Variants in TTC7B observed in about 807,000 individuals in gnomAD.
TTC7B encodes tetratricopeptide repeat domain 7B, also known as tetratricopeptide repeat protein 7B.
In TTC7B, 28 loss-of-function variants were observed where a neutral mutation model predicts 106.8. The observed-to-expected ratio is 0.26, with a 90% CI of 0.19 to 0.36. The LOEUF is 0.36. Among genes scored for constraint, TTC7B ranks in the 10% least tolerant of loss-of-function variants. The pLI, the probability that TTC7B is intolerant of heterozygous loss-of-function variation, is 1.00. For missense variants in TTC7B, 862 were observed against 1,076.4 expected (o/e 0.80, Z 2.79); for synonymous variants, 405 against 430.6 (o/e 0.94, Z 0.74).
intron 19 of TTC7B, among the ~76,000 whole-genome samples, chr14:90,542,666 T>G (rs2139762462): frequency 7.2e-6 from 1 of 138,508 alleles, no homozygotes; most frequent in South Asian, 2.3e-4. Context: ...AAACCTTTGG[T>G]TAAATGAAAT....
rs76008197 is a variant in TTC7B, at chr14:90,627,641, C to T, written c.1752-9596G>A. On this transcript the variant is annotated intron_variant, in intron 15 of 19. Coordinates refer to ENST00000328459, the MANE Select transcript of TTC7B (RefSeq NM_001010854.2). ...TGCGCCTCTTGGTGTCCTAATCCTC[C>T]CTCTTCTTTATGACAGGCAGGAGCT... Among the ~76,000 whole-genome samples the T allele has an allele frequency of 2.8e-4, 43 of 152,314 alleles. No homozygotes were observed. The East Asian group carries it at 8.3e-3, about 29-fold the overall frequency.
intron 16 of TTC7B, among the ~76,000 whole-genome samples, chr14:90,612,836 A>T (rs1892928387): frequency 6.6e-6 from 1 of 152,218 alleles, no homozygotes; most frequent in African/African-American, 2.4e-5. Context: ...CCTATAGCCA[A>T]CTTATCCCTA....
intron 19 of TTC7B, among the ~76,000 whole-genome samples, chr14:90,542,604 C>T (rs780730142): frequency 2.1e-4 from 32 of 152,198 alleles, no homozygotes; most frequent in Admixed American, 6.5e-4. Flanking sequence ...TTCCAGAAAG[C>T]ACCTCTTTGT....
At chr14:90,809,406 A>G (rs2030776790) in intron 1 of TTC7B, among the ~76,000 whole-genome samples, 1 of 152,258 alleles carries the variant, frequency 6.6e-6, no homozygotes, top group South Asian at 2.1e-4. Flanking sequence ...CCTACAGTGA[A>G]GCACACAGCA....
At chr14:90,732,494 C>T (rs1595332516) in intron 4 of TTC7B, among the ~76,000 whole-genome samples, 1 of 152,318 alleles carries the variant, frequency 6.6e-6, no homozygotes, top group South Asian at 2.1e-4. Context: ...CCTCCCACCT[C>T]AGCCTCCCAA....
At chr14:90,618,807 C>A (rs1055633323) in intron 15 of TTC7B, among the ~76,000 whole-genome samples, 5 of 152,216 alleles carry the variant, frequency 3.3e-5, no homozygotes, top group Non-Finnish European at 7.3e-5. Context: ...TCACCACTAT[C>A]CTAGTAAAAG....
rs932179777 is a variant in TTC7B, at chr14:90,552,190, C to T, written c.2311-10601G>A. On this transcript the variant is annotated intron_variant, in intron 19 of 19. Coordinates refer to ENST00000328459, the MANE Select transcript of TTC7B (RefSeq NM_001010854.2). ...CCCACACCTCCTGCACACCTCTGCC[C>T]GTCAGAGCTCCACCGTGGGGTGGGA... Among the ~76,000 whole-genome samples the T allele has an allele frequency of 4.6e-5, 7 of 152,270 alleles. No homozygotes were observed. In the East Asian group the frequency reaches 9.7e-4, roughly 21 times the overall value.
Position 90,760,507 on chromosome 14 carries a change from ACACT to A in TTC7B, c.446-15589_446-15586del, listed in dbSNP as rs1457017032. Among the ~76,000 whole-genome samples the A allele has an allele frequency of 3.3e-5, 5 of 152,322 alleles. No individual in the cohort carries two copies. The East Asian group carries it at 9.6e-4, about 29-fold the overall frequency. On this transcript the variant is annotated intron_variant, in intron 3 of 19. Coordinates refer to ENST00000328459, the MANE Select transcript of TTC7B (RefSeq NM_001010854.2). ...TTAAACCTCACACTGGCTTGTCCTG[ACACT>A]CAGGCCACTATTTACACTCTTCACC... is the stretch of plus-strand genomic sequence containing the variant.
At chr14:90,756,542 C>T (rs942129739) in intron 3 of TTC7B, among the ~76,000 whole-genome samples, 3 of 151,724 alleles carry the variant, frequency 2.0e-5, no homozygotes, top group East Asian at 1.9e-4. Flanking sequence ...TACAGGCGTG[C>T]GCCACCACAC....
At chr14:90,745,021 T>C (rs974365432) in intron 3 of TTC7B, 99 bp from the exon 4 acceptor site, 2 of 1,197,216 alleles carry the variant, frequency 1.7e-6, no homozygotes, top group African/African-American at 1.5e-5. Context: ...CTGTAGAATA[T>C]CATGTTGTTT....
In TTC7B at chr14:90,578,168, G is replaced by A. The variant is rs367947343; in HGVS notation, c.2248C>T (p.Arg750Trp). The A allele has an allele frequency of 6.8e-5, 109 of 1,613,498 alleles. No homozygotes were observed. Among genetic ancestry groups the A allele is most frequent in the Non-Finnish European group, 1.7e-5 (20 of 1,179,858 alleles). The part of the protein sequence containing the change: ...AELRGSMDEA[R>W]RWYEEALAIS... ...GCTAAGGCCTCTTCATACCACCGCC[G>A]CGCCTCGTCCATGCTTCCCCGGAGC... The change falls in exon 19 of 20, where the codon CGG becomes TGG. Residue 750 changes from arginine (R) to tryptophan (W), a missense_variant. Arg to Trp is a moderately radical substitution (Grantham distance 101, BLOSUM62 -3). Coordinates refer to ENST00000328459, the MANE Select transcript of TTC7B (RefSeq NM_001010854.2). The surrounding 1 kb of genome is among the most constrained non-coding windows in gnomAD (Gnocchi z 4.7).
At chr14:90,782,556 G>A (rs56304024) in intron 2 of TTC7B, among the ~76,000 whole-genome samples, 6,492 of 152,194 alleles carry the variant, frequency 0.043, 176 homozygotes, top group Non-Finnish European at 0.058. Context: ...CCAAGATCAC[G>A]CCATTGCACT....
chr14:90,562,942 G>A (rs77842718), intron 19 of TTC7B, among the ~76,000 whole-genome samples: 2,158 of 152,116 alleles, frequency 0.014, 43 homozygotes, highest in African/African-American at 0.05. Context: ...GCACAGACCC[G>A]CACCTCCCTC....
intron 3 of TTC7B, among the ~76,000 whole-genome samples, chr14:90,775,370 G>T (rs1890993527): frequency 6.6e-6 from 1 of 152,170 alleles, no homozygotes; most frequent in African/African-American, 2.4e-5. Context: ...TCCATTTACA[G>T]ATGAGAAAAC....
intron 16 of TTC7B, among the ~76,000 whole-genome samples, chr14:90,612,405 G>A (rs533060674): frequency 6.6e-6 from 1 of 152,298 alleles, no homozygotes; most frequent in South Asian, 2.1e-4. Context: ...CCACTTAGGA[G>A]TTTTTCAGAA....
chr14:90,579,784 G>A (rs995973733), intron 18 of TTC7B, among the ~76,000 whole-genome samples: 6 of 152,122 alleles, frequency 3.9e-5, no homozygotes, highest in South Asian at 2.1e-4. Flanking sequence ...GTGAGACTCC[G>A]TCTGAAAAAC....
Position 90,541,449 on chromosome 14 carries a change from A to G in TTC7B, c.2451T>C (p.Ala817=), listed in dbSNP as rs2139760810. Residue 817 remains alanine (A), a synonymous_variant, in exon 20 of 20, where the codon GCT becomes GCC. Coordinates refer to ENST00000328459, the MANE Select transcript of TTC7B (RefSeq NM_001010854.2). The part of the protein sequence containing the change: ...VLQAQGNDAA[A]TECFLTALEL... ...CCAAGGCTGTCAGGAAGCACTCCGTAGCCGCCGCATCGTTGCCCTGAGCTT... is the reference window on the plus strand; with the variant it reads ...CCAAGGCTGTCAGGAAGCACTCCGTGGCCGCCGCATCGTTGCCCTGAGCTT... 6.2e-7 allele frequency: 1 copy of G among 1,613,676 alleles called. No homozygotes were observed. Among genetic ancestry groups the G allele is most frequent in the Admixed American group, 1.7e-5 (1 of 60,020 alleles).
chr14:90,602,187 T>C (rs967030616), intron 17 of TTC7B: 3 of 456,086 alleles, frequency 6.6e-6, no homozygotes, highest in Non-Finnish European at 1.3e-5. Context: ...ATGCAATCCA[T>C]GAACACTGAT....
In TTC7B at chr14:90,610,812, T is replaced by G. The variant is rs774719718; in HGVS notation, c.1896A>C (p.Leu632Phe). ...PSDSGRGSSL[L>F]DRTIADRRQL... is the part of the protein sequence containing the mutation. ...GTCGTCTGTCAGCAATGGTTCTATC[T>G]AAGAGGCTGCTCCCACGTCCAGAAT... The change falls in exon 17 of 20, where the codon TTA (leucine) becomes TTC (phenylalanine). Residue 632 changes from leucine (L) to phenylalanine (F), a missense_variant. Transcript: ENST00000328459. 21 of 1,613,816 alleles carry G rather than the reference T, an allele frequency of 1.3e-5. No homozygotes were observed. In the East Asian group the frequency reaches 4.7e-4, roughly 36 times the overall value.
Sources: allele counts gnomAD v4.1 joint callset (sites outside exome capture counted in the v4.1 genomes callset), GRCh38; gene constraint gnomAD v4.1.1; non-coding constraint Gnocchi (gnomAD v3.1); transcripts MANE v1.5; gene names NCBI Gene and HGNC (gene_info 2026-07-23, HGNC 2026-07-21).